Variants in TNFAIP2 observed in about 807,000 individuals in gnomAD.
TNFAIP2 encodes tumor necrosis factor alpha-induced protein 2.
A neutral mutation model predicts 63.5 loss-of-function variants in TNFAIP2; 47 were observed. The observed-to-expected ratio is 0.74, with a 90% CI of 0.59 to 0.94. The LOEUF (loss-of-function observed/expected upper bound fraction) is 0.94, where lower values mean the gene tolerates loss of function less well. TNFAIP2 is among the 40% of genes least tolerant of loss of function. The pLI is 0.00. For synonymous variants in TNFAIP2, 405 were observed against 390.2 expected (o/e 1.04, Z -0.45); for missense variants, 787 against 850.2 (o/e 0.93, Z 0.92).
chr14:103,132,071 T>C (rs1279473454), intron 8 of TNFAIP2, among the ~76,000 whole-genome samples: 2 of 75,110 alleles, frequency 2.7e-5, no homozygotes, highest in Admixed American at 2.4e-4. Context: ...TGGGAGGGCC[T>C]GGAAAAGTTT....
At chr14:103,134,775 A>G (rs1372126121) in intron 11 of TNFAIP2, among the ~76,000 whole-genome samples, 1 of 152,226 alleles carries the variant, frequency 6.6e-6, no homozygotes, top group Non-Finnish European at 1.5e-5. Flanking sequence ...AAGGGAAGCC[A>G]GGTCTCAGTC....
chr14:103,123,242 C>T (rs533791927), upstream of TNFAIP2, among the ~76,000 whole-genome samples: 151 of 152,334 alleles, frequency 9.9e-4, no homozygotes, highest in Non-Finnish European at 2.0e-3. Context: ...GCCCCCCGCC[C>T]CTGCCCGGCT....
intron 3 of TNFAIP2, among the ~76,000 whole-genome samples, chr14:103,128,831 T>C (rs914838469): frequency 2.0e-5 from 3 of 152,168 alleles, no homozygotes; most frequent in Non-Finnish European, 2.9e-5. Context: ...TGCCAGTCTT[T>C]CTGTCCCAGT....
chr14:103,133,530 C>G lies in TNFAIP2; in HGVS notation c.1701+13C>G. ...CTGCACCCAGCACGTAAGCCGCTGC[C>G]CACCTCTCCCAAGCCCCTCTGAAAT... On this transcript the variant is annotated intron_variant, in intron 10 of 11. Coordinates refer to ENST00000560869, the MANE Select transcript of TNFAIP2 (RefSeq NM_006291.4). 1 of 1,612,080 alleles carries G rather than the reference C, an allele frequency of 6.2e-7. No individual in the cohort carries two copies. The highest frequency in any genetic ancestry group is 8.5e-7 in the Non-Finnish European group (1 of 1,178,782).
At position 103,127,360 on chromosome 14, in the gene TNFAIP2, G is replaced by A; in HGVS notation, c.591G>A (p.Ala197=). Residue 197 remains alanine (A), a synonymous_variant, in exon 3 of 12, where the codon GCG becomes GCA. Coordinates refer to ENST00000560869, the MANE Select transcript of TNFAIP2 (RefSeq NM_006291.4). This position sits in a 1 kb window ranked among gnomAD's most constrained non-coding sequence, Gnocchi z 5.1. ...TGTGGCGGCGCGGCGTGGCGGAGGCGGCCGAGGAGCGCATGGGCCAGCGGC... is the reference window on the plus strand; with the variant it reads ...TGTGGCGGCGCGGCGTGGCGGAGGCAGCCGAGGAGCGCATGGGCCAGCGGC... ...LQLWRRGVAE[A]AEERMGQRPA... is the part of the protein sequence containing the mutation. The A allele has an allele frequency of 1.5e-6, 2 of 1,365,082 alleles. No homozygotes were observed. Among genetic ancestry groups the A allele is most frequent in the Non-Finnish European group, 1.9e-6 (2 of 1,059,306 alleles). 84.6% of individuals were successfully genotyped at this position (1,365,082 alleles called of 1,614,324 possible). A position where few individuals can be genotyped will look rare whatever the true frequency, so the allele number is the denominator to read the frequency against.
chr14:103,131,088 C>T lies in TNFAIP2; in HGVS notation c.1236C>T (p.Gly412=), dbSNP rs779570151. 1 of 1,614,086 alleles carries T rather than the reference C, an allele frequency of 6.2e-7. No homozygotes were observed. The highest frequency in any genetic ancestry group is 8.5e-7 in the Non-Finnish European group (1 of 1,180,046). ...CCTTTAATGAATTTCTGGAGAGAGG[C>T]AAGCAGCTGACGAATTACAGGGCCA... The part of the protein sequence containing the change: ...QRAFNEFLER[G]KQLTNYRANV... The change falls in exon 7 of 12, where the codon GGC becomes GGT. Residue 412 remains glycine, a synonymous_variant. Coordinates refer to ENST00000560869, the MANE Select transcript of TNFAIP2 (RefSeq NM_006291.4). This position sits in a 1 kb window ranked among gnomAD's most constrained non-coding sequence, Gnocchi z 4.0.
chr14:103,129,809 C>A lies in TNFAIP2; in HGVS notation c.930C>A (p.Pro310=). The A allele has an allele frequency of 1.9e-6, 3 of 1,614,026 alleles. No homozygotes were observed. The highest frequency in any genetic ancestry group is 2.2e-5 in the East Asian group (1 of 44,870). Residue 310 remains proline, a synonymous_variant, in exon 4 of 12, where the codon CCC becomes CCA. Transcript: ENST00000560869. The stretch of plus-strand genomic sequence containing the variant: ...TGGGGCTCGGGAGCCTCCTGCCCCC[C>A]AGGCAGATCCGACTGCTGGAGGCCA... ...QGMGLGSLLP[P]RQIRLLEATF... is the part of the protein sequence containing the mutation.
In TNFAIP2 at chr14:103,133,751, A is replaced by C; in HGVS notation, c.1771A>C (p.Ser591Arg). The C allele has an allele frequency of 6.3e-7, 1 of 1,595,998 alleles. No individual in the cohort carries two copies. The change falls in exon 11 of 12, where the codon AGT becomes CGT. Residue 591 changes from serine to arginine, a missense_variant. Coordinates refer to ENST00000560869, the MANE Select transcript of TNFAIP2 (RefSeq NM_006291.4). ...LAEIIRLQDP[S>R]AIKIEVATYA... ...CGAGATCATTCGCCTGCAGGACCCCAGTGCCATCAAGATTGAGGTGGCCAC... is the reference window on the plus strand; with the variant it reads ...CGAGATCATTCGCCTGCAGGACCCCCGTGCCATCAAGATTGAGGTGGCCAC...
Position 103,130,047 on chromosome 14 carries a change from C to A in TNFAIP2, c.1021C>A (p.Arg341=), listed in dbSNP as rs753407227. 33 of 1,613,050 alleles carry A rather than the reference C, an allele frequency of 2.0e-5. No homozygotes were observed. The highest frequency in any genetic ancestry group is 2.5e-5 in the Non-Finnish European group (30 of 1,179,952). The part of the protein sequence containing the change: ...LMDRALELEA[R]RWAEDVPPQR... ...GGACCGAGCTCTGGAGCTAGAGGCA[C>A]GGCGCTGGGCTGAGGATGTGCCTCC... The change falls in exon 5 of 12, where the codon CGG becomes AGG. Residue 341 remains arginine, a synonymous_variant. Coordinates refer to ENST00000560869, the MANE Select transcript of TNFAIP2 (RefSeq NM_006291.4).
At chr14:103,130,696 A>G (rs2087954787) in intron 6 of TNFAIP2, among the ~76,000 whole-genome samples, 1 of 152,154 alleles carries the variant, frequency 6.6e-6, no homozygotes, top group Admixed American at 6.5e-5. Context: ...GGAGGGACTG[A>G]GACCCCGCCA....
At chr14:103,132,728 C>G (rs1717406134) in intron 8 of TNFAIP2, 22 bp from the exon 9 acceptor site, 1 of 1,608,250 alleles carries the variant, frequency 6.2e-7, no homozygotes, top group African/African-American at 1.3e-5. Context: ...CGTGACTAGA[C>G]ATCCTGCCTC....
Position 103,126,679 on chromosome 14 carries a change from C to T in TNFAIP2, c.222C>T (p.Gly74=). 6.4e-7 allele frequency: 1 copy of T among 1,557,578 alleles called. No individual in the cohort carries two copies. The highest frequency in any genetic ancestry group is 1.3e-5 in the African/African-American group (1 of 74,114). ...DAAGSRQGLD[G]PPPTVEELKA... is the part of the protein sequence containing the mutation. ...CCGGGTCCAGGCAGGGGCTGGATGG[C>T]CCGCCCCCCACAGGTGCTCTAGGAC... Residue 74 remains glycine (G), a synonymous_variant, in exon 2 of 12, where the codon GGC becomes GGT. Transcript: ENST00000560869.
At chr14:103,133,627 C>T (rs2088036439) in intron 10 of TNFAIP2, 55 bp from the exon 11 acceptor site, 13 of 1,552,456 alleles carry the variant, frequency 8.4e-6, no homozygotes, top group Middle Eastern at 1.8e-4. Context: ...CCCAACGAGT[C>T]GCTGACCCGA....
Position 103,127,348 on chromosome 14 carries a change from C to A in TNFAIP2, c.579C>A (p.Gly193=). 1.6e-6 allele frequency: 2 copies of A among 1,251,068 alleles called. No individual in the cohort carries two copies. The highest frequency in any genetic ancestry group is 2.0e-6 in the Non-Finnish European group (2 of 993,334). The allele number at this position is 1,251,068 out of a possible 1,614,324, so 77.5% of individuals were successfully genotyped here. The change falls in exon 3 of 12, where the codon GGC becomes GGA. Residue 193 remains glycine, a synonymous_variant. Coordinates refer to ENST00000560869, the MANE Select transcript of TNFAIP2 (RefSeq NM_006291.4). The surrounding 1 kb of genome is among the most constrained non-coding windows in gnomAD (Gnocchi z 5.1). ...PRRWLQLWRR[G]VAEAAEERMG... ...GCTGGCTGCAGCTGTGGCGGCGCGG[C>A]GTGGCGGAGGCGGCCGAGGAGCGCA...
At position 103,136,243 on chromosome 14, in the gene TNFAIP2, C is replaced by G; in HGVS notation, c.*883C>G. The G allele has an allele frequency of 4.2e-6, 1 of 237,510 alleles. No homozygotes were observed. The highest frequency in any genetic ancestry group is 4.9e-5 in the South Asian group (1 of 20,610). The allele number at this position is 237,510 out of a possible 1,614,324, so 14.7% of individuals were successfully genotyped here. A position where few individuals can be genotyped will look rare whatever the true frequency, so the allele number is the denominator to read the frequency against. On this transcript the variant is annotated 3_prime_UTR_variant, in exon 12 of 12. Coordinates refer to ENST00000560869, the MANE Select transcript of TNFAIP2 (RefSeq NM_006291.4). Reference sequence around the variant, plus strand: ...ACCCTTTGGCCTCTGTATTTGTTTCCTATTGCCGTGACAGGTTTCCACAAA... The same window carrying G: ...ACCCTTTGGCCTCTGTATTTGTTTCGTATTGCCGTGACAGGTTTCCACAAA...
At position 103,127,195 on chromosome 14, in the gene TNFAIP2, G is replaced by T; in HGVS notation, c.426G>T (p.Arg142=). The T allele has an allele frequency of 8.9e-7, 1 of 1,123,044 alleles. No homozygotes were observed. The highest frequency in any genetic ancestry group is 1.1e-6 in the Non-Finnish European group (1 of 914,020). 69.6% of individuals were successfully genotyped at this position (1,123,044 alleles called of 1,614,324 possible). A position where few individuals can be genotyped will look rare whatever the true frequency, so the allele number is the denominator to read the frequency against. Residue 142 remains arginine (R), a synonymous_variant, in exon 3 of 12, where the codon CGG becomes CGT. Transcript: ENST00000560869. The surrounding 1 kb of genome is among the most constrained non-coding windows in gnomAD (Gnocchi z 5.1). ...LRDQVLGVLR[R]PLEAPPERLR... is the part of the protein sequence containing the mutation. The stretch of plus-strand genomic sequence containing the variant: ...ACCAGGTGCTGGGCGTGCTGCGGCG[G>T]CCGCTGGAGGCGCCGCCCGAGCGGC...
chr14:103,132,905 G>A (rs373008294), intron 9 of TNFAIP2, 33 bp downstream of exon 9: 1 of 1,611,206 alleles, frequency 6.2e-7, no homozygotes, highest in Non-Finnish European at 8.5e-7. Context: ...GCTGGGTCTT[G>A]GGGAGTTGGG....
chr14:103,130,118 C>T lies in TNFAIP2; in HGVS notation c.1092C>T (p.Ile364=), dbSNP rs772714532. ...GHCHSELAID[I]IQITSQAQAK... ...GCCACAGCGAGCTGGCCATCGACAT[C>T]ATCCAGGTACTGCAATCTGCCCCAG... The change falls in exon 5 of 12, where the codon ATC becomes ATT. Residue 364 remains isoleucine, a synonymous_variant. Coordinates refer to ENST00000560869, the MANE Select transcript of TNFAIP2 (RefSeq NM_006291.4). The T allele has an allele frequency of 3.1e-6, 5 of 1,612,688 alleles. No homozygotes were observed. The highest frequency in any genetic ancestry group is 3.4e-6 in the Non-Finnish European group (4 of 1,179,396).
rs2088075789 is a variant in TNFAIP2 at position 103,135,461 on chromosome 14, T to C, written c.*101T>C. ...GCGCTGGTTCTCGGTTCCTCCCGGGTCTCCTGTGCTCTGATGCTACTTCTG... is the reference window on the plus strand; with the variant it reads ...GCGCTGGTTCTCGGTTCCTCCCGGGCCTCCTGTGCTCTGATGCTACTTCTG... On this transcript the variant is annotated 3_prime_UTR_variant, in exon 12 of 12. Coordinates refer to ENST00000560869, the MANE Select transcript of TNFAIP2 (RefSeq NM_006291.4). This position sits in a 1 kb window ranked among gnomAD's most constrained non-coding sequence, Gnocchi z 7.6. The C allele has an allele frequency of 3.3e-6, 5 of 1,508,548 alleles. No individual in the cohort carries two copies. In the South Asian group the frequency reaches 5.3e-5, roughly 16 times the overall value. The allele number at this position is 1,508,548 out of a possible 1,614,324, so 93.4% of individuals were successfully genotyped here.
Sources: allele counts gnomAD v4.1 joint callset (sites outside exome capture counted in the v4.1 genomes callset), GRCh38; gene constraint gnomAD v4.1.1; non-coding constraint Gnocchi (gnomAD v3.1); transcripts MANE v1.5; gene names NCBI Gene and HGNC (gene_info 2026-07-23, HGNC 2026-07-21).